The following UBASH3B variants were observed in gnomAD, a reference collection of about 807,000 sequenced individuals.
UBASH3B encodes the protein ubiquitin-associated and SH3 domain-containing protein B.
UBASH3B carries 37 observed loss-of-function variants against 83.4 expected under a neutral mutation model. That is an observed-to-expected ratio of 0.44 (90% CI 0.34 to 0.58). The LOEUF (loss-of-function observed/expected upper bound fraction) is 0.58, where lower values mean the gene tolerates loss of function less well. Ranked by LOEUF, UBASH3B falls within the 20% of genes least tolerant of loss-of-function variation. The pLI is 0.01. For synonymous variants in UBASH3B, 304 were observed against 318.3 expected, an observed-to-expected ratio of 0.96 and a Z score of 0.48; for missense variants, 657 against 827.2, an observed-to-expected ratio of 0.79 and a Z score of 2.52.
At chr11:122,686,740 T>C (rs891353399) in intron 1 of UBASH3B, among the ~76,000 whole-genome samples, 3 of 152,192 alleles carry the variant, frequency 2.0e-5, no homozygotes, top group Non-Finnish European at 4.4e-5. Context: ...GTCCAGGTGT[T>C]GACTTTTTCC....
At chr11:122,706,106 C>CTTTTT (rs36055058) in intron 1 of UBASH3B, among the ~76,000 whole-genome samples, 68 of 127,022 alleles carry the variant, frequency 5.4e-4, no homozygotes, top group African/African-American at 1.8e-3. Flanking sequence ...TCTTTTCTTT[C>CTTTTT]TTTTTTTTTT....
At chr11:122,751,695 C>T (rs1163548403) in intron 1 of UBASH3B, among the ~76,000 whole-genome samples, 1 of 152,260 alleles carries the variant, frequency 6.6e-6, no homozygotes, top group African/African-American at 2.4e-5. Context: ...ACACCCAGGC[C>T]TTCTGCAGTG....
At chr11:122,749,819 G>A (rs1037201031) in intron 1 of UBASH3B, among the ~76,000 whole-genome samples, 3 of 152,120 alleles carry the variant, frequency 2.0e-5, no homozygotes. Flanking sequence ...TGCAACCTCC[G>A]CCTTCTGGGC....
chr11:122,773,938 TC>T, intron 1 of UBASH3B: 1 of 982,658 alleles, frequency 1.0e-6, no homozygotes, highest in South Asian at 4.7e-5. Flanking sequence ...AAATGCGTTT[TC>T]CTTTTCCCAG....
At chr11:122,693,528 T>C (rs944181105) in intron 1 of UBASH3B, among the ~76,000 whole-genome samples, 1 of 152,024 alleles carries the variant, frequency 6.6e-6, no homozygotes, top group Non-Finnish European at 1.5e-5. Context: ...CATGGAGGGA[T>C]GAGTGGGCAT....
At chr11:122,738,103 A>G (rs1437890918) in intron 1 of UBASH3B, among the ~76,000 whole-genome samples, 1 of 152,254 alleles carries the variant, frequency 6.6e-6, no homozygotes, top group Non-Finnish European at 1.5e-5. Flanking sequence ...AATGCCGTTG[A>G]GAGGTCAAGA....
rs144661013 is a variant in UBASH3B, at chr11:122,749,784, A to G, written c.162-26435A>G. On this transcript the variant is annotated intron_variant, in intron 1 of 13. Coordinates refer to ENST00000284273, the MANE Select transcript of UBASH3B (RefSeq NM_032873.5). ...GTCTCGCTCTGTCCCCCAGGCTGCAATGCAGTGGCGCTTTCTCGGCTCACT... is the reference window on the plus strand; with the variant it reads ...GTCTCGCTCTGTCCCCCAGGCTGCAGTGCAGTGGCGCTTTCTCGGCTCACT... Among the ~76,000 whole-genome samples, 715 of 152,158 alleles carry G rather than the reference A, an allele frequency of 4.7e-3. 21 individuals are homozygous for G. Among genetic ancestry groups the G allele is most frequent in the Admixed American group, 0.042 (643 of 15,284 alleles).
rs1048685114 is a variant in UBASH3B at position 122,664,661 on chromosome 11, C to T, written c.161+8451C>T. Among the ~76,000 whole-genome samples, 7 of 152,206 alleles carry T rather than the reference C, an allele frequency of 4.6e-5. No homozygotes were observed. The South Asian group carries it at 1.4e-3, about 31-fold the overall frequency. Reference sequence around the variant, plus strand: ...TTCTTGTTTCATCTTGCTCACATCCCTGTTTTCCTGGTGACTTTGCAGTCA... The same window carrying T: ...TTCTTGTTTCATCTTGCTCACATCCTTGTTTTCCTGGTGACTTTGCAGTCA... On this transcript the variant is annotated intron_variant, in intron 1 of 13. Transcript: ENST00000284273.
At chr11:122,743,018 C>A (rs1861051607) in intron 1 of UBASH3B, among the ~76,000 whole-genome samples, 1 of 152,216 alleles carries the variant, frequency 6.6e-6, no homozygotes, top group South Asian at 2.1e-4. Flanking sequence ...TGGGTGCCCC[C>A]TCCCTGTGGC....
chr11:122,689,604 G>A (rs1277362714), intron 1 of UBASH3B, among the ~76,000 whole-genome samples: 11 of 151,948 alleles, frequency 7.2e-5, no homozygotes, highest in Admixed American at 2.6e-4. Flanking sequence ...GGCAAGCAGC[G>A]GACACCAGCT....
intron 1 of UBASH3B, among the ~76,000 whole-genome samples, chr11:122,730,459 G>T (rs960627685): frequency 1.3e-5 from 2 of 152,132 alleles, no homozygotes; most frequent in Non-Finnish European, 2.9e-5. Flanking sequence ...TCTGTTTCAG[G>T]TCAGCCTCCT....
chr11:122,670,696 G>C (rs1863582976), intron 1 of UBASH3B, among the ~76,000 whole-genome samples: 1 of 152,152 alleles, frequency 6.6e-6, no homozygotes, highest in South Asian at 2.1e-4. Flanking sequence ...TCTGGTAAGA[G>C]TGTGTTTCTG....
At chr11:122,728,464 G>A (rs776270333) in intron 1 of UBASH3B, among the ~76,000 whole-genome samples, 1 of 152,176 alleles carries the variant, frequency 6.6e-6, no homozygotes, top group Non-Finnish European at 1.5e-5. Flanking sequence ...ATAGATGGGG[G>A]CCACCAGCCC....
chr11:122,730,797 G>A (rs960185889), intron 1 of UBASH3B, among the ~76,000 whole-genome samples: 2 of 151,944 alleles, frequency 1.3e-5, no homozygotes, highest in African/African-American at 4.8e-5. Flanking sequence ...ATTTCTCTAT[G>A]TTGGTCAGAC....
chr11:122,791,093 G>A (rs938223707), intron 6 of UBASH3B, among the ~76,000 whole-genome samples: 2 of 152,210 alleles, frequency 1.3e-5, no homozygotes, highest in Non-Finnish European at 2.9e-5. Context: ...GTCCCAGGGA[G>A]GTCTTTGTGT....
chr11:122,713,600 G>A (rs1340350142), intron 1 of UBASH3B, among the ~76,000 whole-genome samples: 2 of 152,108 alleles, frequency 1.3e-5, no homozygotes, highest in Admixed American at 6.6e-5. Flanking sequence ...TTTTCTGAGA[G>A]CCATGGCCAA....
At chr11:122,771,911 T>C (rs1280649743) in intron 1 of UBASH3B, among the ~76,000 whole-genome samples, 1 of 152,212 alleles carries the variant, frequency 6.6e-6, no homozygotes, top group Non-Finnish European at 1.5e-5. Context: ...ACTGCCACTC[T>C]CATTGCCTGT....
At chr11:122,744,644 C>G (rs111506384) in intron 1 of UBASH3B, among the ~76,000 whole-genome samples, 1 of 151,650 alleles carries the variant, frequency 6.6e-6, no homozygotes, top group Admixed American at 6.6e-5. Flanking sequence ...TGTGTGACAA[C>G]GCAAGTGTAT....
At position 122,811,938 on chromosome 11, in the gene UBASH3B, C is replaced by T. The variant is rs948574782; in HGVS notation, c.*2052C>T. On this transcript the variant is annotated 3_prime_UTR_variant, in exon 14 of 14. Transcript: ENST00000284273. ...CAGATTCACCACAAATTTTCATGGG[C>T]GTTGAGTGCTCAGAATAATGCTTGA... 2 of 152,166 alleles carry T rather than the reference C, an allele frequency of 1.3e-5. No individual in the cohort carries two copies. The highest frequency in any genetic ancestry group is 1.5e-5 in the Non-Finnish European group (1 of 68,030). 9.4% of individuals were successfully genotyped at this position (152,166 alleles called of 1,614,324 possible).
Sources: gnomAD v4.1 joint callset for allele counts (sites outside exome capture counted in the v4.1 genomes callset) on GRCh38, gnomAD v4.1.1 for gene constraint, MANE v1.5 for transcripts, NCBI Gene and HGNC (gene_info 2026-07-23, HGNC 2026-07-21) for gene names.